GALNTL6: variants seen among roughly 807,000 people sequenced by gnomAD.
The protein encoded by GALNTL6 is polypeptide N-acetylgalactosaminyltransferase-like 6.
A neutral mutation model predicts 73.7 loss-of-function variants in GALNTL6; 46 were observed. That is an observed-to-expected ratio of 0.62 (90% CI 0.49 to 0.80). GALNTL6 has a LOEUF of 0.80. Among genes scored for constraint, GALNTL6 ranks in the 30% least tolerant of loss-of-function variants. The probability of loss-of-function intolerance (pLI) is 0.00; values close to 1 mark genes in which losing one functional copy is unlikely to be tolerated. For missense variants in GALNTL6, 604 were observed against 755.0 expected (o/e 0.80, Z 2.34); for synonymous variants, 259 against 263.7 (o/e 0.98, Z 0.17).
chr4:172,377,341 A>T (rs919336641), intron 5 of GALNTL6, among the ~76,000 whole-genome samples: 2 of 152,142 alleles, frequency 1.3e-5, no homozygotes, highest in Non-Finnish European at 2.9e-5. Context: ...GATTAGCTAG[A>T]TACAGAGTGC....
At chr4:172,344,864 A>C (rs1010852314) in intron 4 of GALNTL6, among the ~76,000 whole-genome samples, 1 of 152,170 alleles carries the variant, frequency 6.6e-6, no homozygotes, top group African/African-American at 2.4e-5. Flanking sequence ...AAATGTATTC[A>C]TCTTTGTATC....
chr4:172,208,830 T>G (rs1029672293), intron 2 of GALNTL6, among the ~76,000 whole-genome samples: 1 of 152,116 alleles, frequency 6.6e-6, no homozygotes, highest in African/African-American at 2.4e-5. Flanking sequence ...GAAGTCTCCT[T>G]TAATCATGTC....
intron 2 of GALNTL6, among the ~76,000 whole-genome samples, chr4:172,014,477 G>A (rs1224541328): frequency 6.6e-6 from 1 of 152,038 alleles, no homozygotes; most frequent in Non-Finnish European, 1.5e-5. Flanking sequence ...TATCAATGAT[G>A]TCGAGCATGT....
intron 2 of GALNTL6, among the ~76,000 whole-genome samples, chr4:172,021,514 TATC>T (rs111795177): frequency 3.1e-4 from 47 of 152,162 alleles, no homozygotes; most frequent in African/African-American, 1.1e-3. Flanking sequence ...ATGTCCATAT[TATC>T]CAAAGCAATC....
chr4:172,219,222 T>TATATATATATATATATATATAG (rs1483226525), intron 2 of GALNTL6, among the ~76,000 whole-genome samples: 1 of 141,884 alleles, frequency 7.0e-6, no homozygotes, highest in African/African-American at 2.5e-5. Flanking sequence ...TATATATATA[T>TATATATATATATATATATATAG]AATCCTTCTG....
chr4:172,391,983 T>G (rs960783907), intron 5 of GALNTL6, among the ~76,000 whole-genome samples: 2 of 152,038 alleles, frequency 1.3e-5, no homozygotes, highest in African/African-American at 4.8e-5. Flanking sequence ...ACTCAAAAAA[T>G]TTTAAACAGT....
intron 9 of GALNTL6, among the ~76,000 whole-genome samples, chr4:172,937,631 C>T (rs1748688339): frequency 6.6e-6 from 1 of 152,208 alleles, no homozygotes; most frequent in Non-Finnish European, 1.5e-5. Context: ...GTGTGCTAGG[C>T]CCTGGAAGTT....
intron 5 of GALNTL6, among the ~76,000 whole-genome samples, chr4:172,680,468 T>C (rs1732573768): frequency 6.6e-6 from 1 of 152,176 alleles, no homozygotes; most frequent in Non-Finnish European, 1.5e-5. Flanking sequence ...AAAGCTGTGA[T>C]GAAGGGGAAA....
chr4:172,156,105 C>T (rs1240341073), intron 2 of GALNTL6, among the ~76,000 whole-genome samples: 1 of 132,382 alleles, frequency 7.6e-6, no homozygotes, highest in Non-Finnish European at 1.6e-5. Context: ...CCTAAAATGG[C>T]GTCAGCGTCA....
At position 172,152,159 on chromosome 4, in the gene GALNTL6, G is replaced by A. The variant is rs1244469653; in HGVS notation, c.139-77497G>A. On this transcript the variant is annotated intron_variant, in intron 2 of 12. Coordinates refer to ENST00000506823, the MANE Select transcript of GALNTL6 (RefSeq NM_001034845.3). ...CCCTGGCTAAATTTTTGTATTTTTA[G>A]TAGAGACGGGGTTTCACCCTGTTGG... 2.6e-5 allele frequency among the ~76,000 whole-genome samples: 4 copies of A among 152,130 alleles called. No homozygotes were observed. The South Asian group carries it at 6.2e-4, about 24-fold the overall frequency.
At chr4:172,958,406 G>A (rs568928350) in intron 10 of GALNTL6, among the ~76,000 whole-genome samples, 7 of 152,294 alleles carry the variant, frequency 4.6e-5, no homozygotes, top group African/African-American at 1.4e-4. Flanking sequence ...GAGCTAGGGT[G>A]GGGGTAGTCT....
chr4:172,474,995 T>TG (rs1246739426), intron 5 of GALNTL6, among the ~76,000 whole-genome samples: 1 of 152,220 alleles, frequency 6.6e-6, no homozygotes, highest in Non-Finnish European at 1.5e-5. Context: ...CATAATTGGA[T>TG]AGCTGTGCCC....
At chr4:172,966,465 G>A (rs574212361) in intron 10 of GALNTL6, among the ~76,000 whole-genome samples, 1 of 152,052 alleles carries the variant, frequency 6.6e-6, no homozygotes, top group African/African-American at 2.4e-5. Flanking sequence ...CATGATCTCG[G>A]CTTACTGCAA....
At chr4:171,818,678 G>A (rs1038716352) in intron 2 of GALNTL6, among the ~76,000 whole-genome samples, 4 of 150,370 alleles carry the variant, frequency 2.7e-5, no homozygotes, top group South Asian at 4.2e-4. Context: ...AGGACTCTTC[G>A]TGTGTGTCAC....
At chr4:172,158,519 T>C (rs887373404) in intron 2 of GALNTL6, among the ~76,000 whole-genome samples, 3 of 152,180 alleles carry the variant, frequency 2.0e-5, no homozygotes, top group Non-Finnish European at 4.4e-5. Context: ...TATTTAAATA[T>C]AATAGTGCTG....
chr4:172,534,399 C>G (rs1735271729), intron 5 of GALNTL6, among the ~76,000 whole-genome samples: 1 of 152,070 alleles, frequency 6.6e-6, no homozygotes, highest in Non-Finnish European at 1.5e-5. Flanking sequence ...CAGAATCTGC[C>G]TCATCTTGAA....
chr4:172,139,003 G>A (rs1037408587), intron 2 of GALNTL6, among the ~76,000 whole-genome samples: 12 of 151,816 alleles, frequency 7.9e-5, no homozygotes, highest in East Asian at 1.9e-4. Flanking sequence ...GTATATAACC[G>A]AAGAGATAGA....
intron 5 of GALNTL6, among the ~76,000 whole-genome samples, chr4:172,571,969 C>A (rs914774160): frequency 1.3e-5 from 2 of 152,104 alleles, no homozygotes; most frequent in Non-Finnish European, 2.9e-5. Flanking sequence ...ATGTGCTTTT[C>A]CCCCGTATTG....
chr4:173,039,274 A>C (rs1002212615), intron 12 of GALNTL6, among the ~76,000 whole-genome samples: 12 of 152,356 alleles, frequency 7.9e-5, no homozygotes, highest in Middle Eastern at 6.8e-3. Flanking sequence ...AAAGGGATTG[A>C]GAGGAGACTG....
Sources: gnomAD v4.1 joint callset for allele counts (sites outside exome capture counted in the v4.1 genomes callset) on GRCh38, gnomAD v4.1.1 for gene constraint, MANE v1.5 for transcripts, NCBI Gene and HGNC (gene_info 2026-07-23, HGNC 2026-07-21) for gene names.